The following PIK3R5 variants were observed in gnomAD, a reference collection of about 807,000 sequenced individuals.
PIK3R5 encodes the protein phosphoinositide 3-kinase regulatory subunit 5.
PIK3R5 carries 32 observed loss-of-function variants against 94.9 expected under a neutral mutation model. The ratio of observed to expected loss-of-function variants is 0.34; its 90% CI spans 0.25 to 0.45. PIK3R5 has a LOEUF of 0.45. PIK3R5 is among the 20% of genes least tolerant of loss of function. The pLI, the probability that PIK3R5 is intolerant of heterozygous loss-of-function variation, is 1.00. For missense variants in PIK3R5, 853 were observed against 1,144.6 expected, an observed-to-expected ratio of 0.75 and a Z score of 3.68; for synonymous variants, 443 against 479.4, an observed-to-expected ratio of 0.92 and a Z score of 0.99.
chr17:8,918,945 A>G (rs2090679727), intron 1 of PIK3R5, among the ~76,000 whole-genome samples: 1 of 152,180 alleles, frequency 6.6e-6, no homozygotes, highest in African/African-American at 2.4e-5. Context: ...TACAATCATG[A>G]GAAAACACCA....
At position 8,890,007 on chromosome 17, in the gene PIK3R5, C is replaced by A; in HGVS notation, c.777G>T (p.Ala259=). The change falls in exon 8 of 19, where the codon GCG becomes GCT. Residue 259 remains alanine (A), a synonymous_variant. Transcript: ENST00000447110. The surrounding 1 kb of genome is among the most constrained non-coding windows in gnomAD (Gnocchi z 6.1). ...ARRWLRTKLQ[A]VGEKAGFPGV... is the part of the protein sequence containing the mutation. ...CAGGGAAGCCAGCTTTTTCTCCCAC[C>A]GCCTGCAGCTTGGTCCTGAGCCACC... 2 of 1,613,908 alleles carry A rather than the reference C, an allele frequency of 1.2e-6. No individual in the cohort carries two copies. Among genetic ancestry groups the A allele is most frequent in the Non-Finnish European group, 1.7e-6 (2 of 1,179,962 alleles).
chr17:8,905,976 A>G (rs759063755), intron 3 of PIK3R5, among the ~76,000 whole-genome samples: 2 of 151,698 alleles, frequency 1.3e-5, no homozygotes, highest in Non-Finnish European at 1.5e-5. Flanking sequence ...TTTTTGCCCT[A>G]TGTATTTTCT....
At chr17:8,908,613 C>T (rs995056352) in intron 3 of PIK3R5, among the ~76,000 whole-genome samples, 3 of 151,664 alleles carry the variant, frequency 2.0e-5, no homozygotes, top group Non-Finnish European at 4.4e-5. Flanking sequence ...CCCAAATCCT[C>T]TTTTGGGACT....
chr17:8,960,421 T>C (rs1273787919), intron 1 of PIK3R5, among the ~76,000 whole-genome samples: 1 of 152,280 alleles, frequency 6.6e-6, no homozygotes, highest in Non-Finnish European at 1.5e-5. Context: ...AATATGTGTG[T>C]TGCATGTCTT....
At chr17:8,964,012 G>A (rs576248502) in intron 1 of PIK3R5, among the ~76,000 whole-genome samples, 2 of 152,214 alleles carry the variant, frequency 1.3e-5, no homozygotes, top group South Asian at 2.1e-4. Context: ...CAGCCACAAC[G>A]AGGAAACACG....
chr17:8,944,618 T>C (rs986326048), intron 1 of PIK3R5, among the ~76,000 whole-genome samples: 10 of 152,204 alleles, frequency 6.6e-5, no homozygotes, highest in African/African-American at 2.2e-4. Context: ...AGTGGGAACA[T>C]ACCCTCTGGT....
In PIK3R5 at chr17:8,893,485, G is replaced by T; in HGVS notation, c.482+101C>A. On this transcript the variant is annotated intron_variant, in intron 6 of 18. Transcript: ENST00000447110. The surrounding 1 kb of genome is among the most constrained non-coding windows in gnomAD (Gnocchi z 5.1). The stretch of plus-strand genomic sequence containing the variant: ...TGCTGGCTGGGGTGGACAGGGGGTG[G>T]GGGCACTGGATGTTTGAGTGGGGGA... 2 of 916,288 alleles carry T rather than the reference G, an allele frequency of 2.2e-6. No homozygotes were observed. Among genetic ancestry groups the T allele is most frequent in the South Asian group, 1.4e-5 (1 of 72,656 alleles). The allele number at this position is 916,288 out of a possible 1,614,324, so 56.8% of individuals were successfully genotyped here.
At chr17:8,905,471 G>A (rs1169340935) in intron 4 of PIK3R5, among the ~76,000 whole-genome samples, 198 bp downstream of exon 4, 1 of 152,100 alleles carries the variant, frequency 6.6e-6, no homozygotes, top group African/African-American at 2.4e-5. Context: ...CAGGCACCAT[G>A]GCGGCCACAT....
Position 8,890,668 on chromosome 17 carries a change from A to G in PIK3R5, c.657+70T>C, listed in dbSNP as rs1291164652. On this transcript the variant is annotated intron_variant, in intron 7 of 18. Transcript: ENST00000447110. The surrounding 1 kb of genome is among the most constrained non-coding windows in gnomAD (Gnocchi z 6.1). ...GTGTACCCTGGAGACCGTGGCTGAG[A>G]TGAAGCAGGGAGAGGGTGCTACCTC... 7 of 1,357,136 alleles carry G rather than the reference A, an allele frequency of 5.2e-6. No homozygotes were observed. In the Admixed American group the frequency reaches 6.6e-5, roughly 13 times the overall value. 84.1% of individuals were successfully genotyped at this position (1,357,136 alleles called of 1,614,324 possible).
chr17:8,956,441 AAGAAAACTCTTGG>A (rs986164028), intron 1 of PIK3R5, among the ~76,000 whole-genome samples: 1 of 152,190 alleles, frequency 6.6e-6, no homozygotes, highest in Non-Finnish European at 1.5e-5. Context: ...CAGCTCCCAC[AAGAAAACTCTTGG>A]AGAGCAGGCT....
chr17:8,899,318 C>T (rs552397316), intron 5 of PIK3R5, among the ~76,000 whole-genome samples: 1 of 152,332 alleles, frequency 6.6e-6, no homozygotes, highest in East Asian at 1.9e-4. Flanking sequence ...TCCATGGCAA[C>T]TGGGTCCCTA....
At chr17:8,908,570 C>CAT (rs1255777198) in intron 3 of PIK3R5, among the ~76,000 whole-genome samples, 1 of 150,738 alleles carries the variant, frequency 6.6e-6, no homozygotes, top group East Asian at 1.9e-4. Flanking sequence ...CACACACACA[C>CAT]ACAACCATAA....
At chr17:8,921,556 A>C (rs1162261988) in intron 1 of PIK3R5, among the ~76,000 whole-genome samples, 1 of 152,238 alleles carries the variant, frequency 6.6e-6, no homozygotes, top group Non-Finnish European at 1.5e-5. Context: ...GGTTAGGCAC[A>C]AATTAATATA....
chr17:8,902,421 AT>A (rs1470925567), intron 5 of PIK3R5, among the ~76,000 whole-genome samples: 6 of 151,560 alleles, frequency 4.0e-5, no homozygotes, highest in African/African-American at 1.5e-4. Flanking sequence ...CGCCCAAATA[AT>A]TTTTGTATTT....
Position 8,893,458 on chromosome 17 carries a change from G to A in PIK3R5, c.482+128C>T. 1 of 727,424 alleles carries A rather than the reference G, an allele frequency of 1.4e-6. No individual in the cohort carries two copies. The allele number at this position is 727,424 out of a possible 1,614,324, so 45.1% of individuals were successfully genotyped here. On this transcript the variant is annotated intron_variant, in intron 6 of 18. Coordinates refer to ENST00000447110, the MANE Select transcript of PIK3R5 (RefSeq NM_001142633.3). The surrounding 1 kb of genome is among the most constrained non-coding windows in gnomAD (Gnocchi z 5.1). The stretch of plus-strand genomic sequence containing the variant: ...TTCCCAGTTCCCTGGAAGCCTGTTT[G>A]TTGCTGGCTGGGGTGGACAGGGGGT...
At position 8,888,887 on chromosome 17, in the gene PIK3R5, G is replaced by A. The variant is rs747558169; in HGVS notation, c.900C>T (p.Ile300=). Residue 300 remains isoleucine, a synonymous_variant, in exon 10 of 19, where the codon ATC becomes ATT. Transcript: ENST00000447110. The surrounding 1 kb of genome is among the most constrained non-coding windows in gnomAD (Gnocchi z 7.8). ...GTTCCTTGAGCAGGATTTCCTGCAGGATGTCTGCAGGGAAGCAAGGCCAGC... is the reference window on the plus strand; with the variant it reads ...GTTCCTTGAGCAGGATTTCCTGCAGAATGTCTGCAGGGAAGCAAGGCCAGC... ...TYSWSQDSFD[I]LQEILLKEQE... is the part of the protein sequence containing the mutation. 1 of 1,596,080 alleles carries A rather than the reference G, an allele frequency of 6.3e-7. No individual in the cohort carries two copies. The highest frequency in any genetic ancestry group is 8.5e-7 in the Non-Finnish European group (1 of 1,175,512).
At position 8,924,374 on chromosome 17, in the gene PIK3R5, C is replaced by T. The variant is rs979360131; in HGVS notation, c.-13-12867G>A. ...GATTACAGGCGTGAGCCACCTGCAG[C>T]CTGACACAGGCTGCTCACTTTCTAC... On this transcript the variant is annotated intron_variant, in intron 1 of 18. Coordinates refer to ENST00000447110, the MANE Select transcript of PIK3R5 (RefSeq NM_001142633.3). 3.9e-5 allele frequency among the ~76,000 whole-genome samples: 6 copies of T among 152,024 alleles called. No homozygotes were observed. In the East Asian group the frequency reaches 1.2e-3, roughly 29 times the overall value.
Position 8,884,800 on chromosome 17 carries a change from C to T in PIK3R5, c.2129-17G>A. 1.2e-6 allele frequency: 2 copies of T among 1,611,486 alleles called. No homozygotes were observed. The highest frequency in any genetic ancestry group is 8.5e-7 in the Non-Finnish European group (1 of 1,178,948). On this transcript the variant is annotated splice_polypyrimidine_tract_variant and intron_variant, in intron 14 of 18. Transcript: ENST00000447110. This position sits in a 1 kb window ranked among gnomAD's most constrained non-coding sequence, Gnocchi z 5.8. ...TGCCAGGACCTGTGCCACACACAGA[C>T]AGACCCTTCACTACCCCTGGCTTCC...
chr17:8,908,531 AC>A (rs2090444510), intron 3 of PIK3R5, among the ~76,000 whole-genome samples: 1 of 8,098 alleles, frequency 1.2e-4, no homozygotes, highest in African/African-American at 7.7e-4. Flanking sequence ...AATAATTAAA[AC>A]ACACACACAC....
Sources: gnomAD v4.1 joint callset for allele counts (sites outside exome capture counted in the v4.1 genomes callset) on GRCh38, gnomAD v4.1.1 for gene constraint, Gnocchi (gnomAD v3.1) non-coding constraint, MANE v1.5 for transcripts, NCBI Gene and HGNC (gene_info 2026-07-23, HGNC 2026-07-21) for gene names.